The following RMP64 variants were observed in gnomAD, a reference collection of about 807,000 sequenced individuals.
RMP64 encodes nucleolus and neural progenitor protein.
the RMP64 span, among the ~76,000 whole-genome samples, chr3:113,018,152 G>C: frequency 6.6e-6 from 1 of 152,244 alleles, no homozygotes; most frequent in East Asian, 1.9e-4. Context: ...ATGAACACCG[G>C]GTGCTCATCA....
chr3:113,010,082 T>C, the RMP64 span, among the ~76,000 whole-genome samples: 64 of 152,168 alleles, frequency 4.2e-4, no homozygotes, highest in African/African-American at 1.5e-3. Flanking sequence ...ATGTTAAAAC[T>C]TGAACCTCAA....
the RMP64 span, chr3:113,011,058 C>A: frequency 6.3e-7 from 1 of 1,597,316 alleles, no homozygotes; most frequent in African/African-American, 1.4e-5. Flanking sequence ...TGAAGACTCT[C>A]TTATTCTTTA....
At chr3:113,010,540 G>C in the RMP64 span, 1 of 940,240 alleles carries the variant, frequency 1.1e-6, no homozygotes, top group Non-Finnish European at 1.7e-6. Flanking sequence ...ACTAAGCTTA[G>C]AGCTGGGGAT....
the RMP64 span, chr3:113,005,525 T>G: frequency 2.6e-6 from 4 of 1,531,950 alleles, 1 homozygote; most frequent in Non-Finnish European, 3.6e-6. Flanking sequence ...GTCTCACATA[T>G]GAACGAACAT....
At chr3:113,013,891 A>G in the RMP64 span, 5 of 1,084,932 alleles carry the variant, frequency 4.6e-6, no homozygotes, top group South Asian at 3.8e-5. Flanking sequence ...ATCCAAAGGG[A>G]GATCACAAGA....
the RMP64 span, chr3:113,018,940 A>G: frequency 0.61 from 92,778 of 152,390 alleles, 31,770 homozygotes; most frequent in Non-Finnish European, 0.78. Context: ...CCTACCTACT[A>G]TATGCCCTTC....
chr3:113,012,530 T>C, the RMP64 span: 10 of 398,362 alleles, frequency 2.5e-5, no homozygotes, highest in Non-Finnish European at 4.0e-5. Flanking sequence ...ATCTTGTGGA[T>C]TGAGATACAA....
the RMP64 span, chr3:113,004,480 A>G: frequency 6.6e-6 from 1 of 152,174 alleles, no homozygotes; most frequent in East Asian, 1.9e-4. Context: ...AACTTCTGTT[A>G]TGATAGGGTG....
the RMP64 span, among the ~76,000 whole-genome samples, chr3:113,016,427 G>A: frequency 8.0e-3 from 808 of 101,330 alleles, 2 homozygotes; most frequent in Middle Eastern, 0.032. Context: ...CTGCCTGGAT[G>A]GGAGAGCTAC....
At chr3:113,011,038 A>C in the RMP64 span, 1 of 1,573,824 alleles carries the variant, frequency 6.4e-7, no homozygotes, top group Non-Finnish European at 8.6e-7. Context: ...GTATCAAAGC[A>C]AATTACCTTT....
the RMP64 span, among the ~76,000 whole-genome samples, chr3:113,018,798 T>C: frequency 6.6e-6 from 1 of 152,178 alleles, no homozygotes; most frequent in Non-Finnish European, 1.5e-5. Flanking sequence ...AACAGCCCTA[T>C]GAGGAAGGTG....
the RMP64 span, chr3:113,002,865 T>G: frequency 6.6e-6 from 1 of 152,490 alleles, no homozygotes; most frequent in Non-Finnish European, 1.5e-5. Context: ...TGCTAGGCAG[T>G]TCCTGTAGCT....
At chr3:113,018,522 G>A in the RMP64 span, among the ~76,000 whole-genome samples, 24 of 152,254 alleles carry the variant, frequency 1.6e-4, no homozygotes, top group East Asian at 4.6e-3. Context: ...TGTCCAACCC[G>A]CCTTATTTTG....
chr3:113,016,311 T>A, the RMP64 span, among the ~76,000 whole-genome samples: 6 of 152,062 alleles, frequency 3.9e-5, no homozygotes, highest in Non-Finnish European at 7.4e-5. Context: ...GGAGGAAACA[T>A]CAGTTATGAT....
At chr3:113,003,713 A>AAAGAT in the RMP64 span, 5,547 of 152,292 alleles carry the variant, frequency 0.036, 132 homozygotes, top group Admixed American at 0.055. Flanking sequence ...TTTTCCAATG[A>AAAGAT]AAGATAAGCT....
chr3:113,017,066 T>C, the RMP64 span, among the ~76,000 whole-genome samples: 1 of 152,200 alleles, frequency 6.6e-6, no homozygotes, highest in Non-Finnish European at 1.5e-5. Flanking sequence ...AAAATAATTT[T>C]AGCATTCTGA....
At chr3:113,004,757 G>A in the RMP64 span, 2 of 152,198 alleles carry the variant, frequency 1.3e-5, no homozygotes, top group South Asian at 4.1e-4. Context: ...TCATTCCTGG[G>A]TCTACTTTGT....
the RMP64 span, among the ~76,000 whole-genome samples, chr3:113,018,395 G>C: frequency 4.6e-5 from 7 of 152,146 alleles, no homozygotes; most frequent in African/African-American, 9.7e-5. Flanking sequence ...AAGAATTTTT[G>C]AATAGAGAAA....
chr3:113,004,451 T>G, the RMP64 span: 1 of 152,058 alleles, frequency 6.6e-6, no homozygotes, highest in Non-Finnish European at 1.5e-5. Flanking sequence ...CAAAGCCAAA[T>G]AAAGAATGGA....
Sources: gnomAD v4.1 joint callset for allele counts (sites outside exome capture counted in the v4.1 genomes callset) on GRCh38, gnomAD v4.1.1 for gene constraint, MANE v1.5 for transcripts, NCBI Gene and HGNC (gene_info 2026-07-23, HGNC 2026-07-21) for gene names.